Variants in WWOX observed in about 807,000 individuals in gnomAD.
WWOX encodes the protein WW domain-containing oxidoreductase.
A neutral mutation model predicts 46.2 loss-of-function variants in WWOX; 69 were observed. The ratio of observed to expected loss-of-function variants is 1.49; its 90% CI spans 1.23 to 1.82. The LOEUF is 1.82. Ranked by LOEUF, WWOX falls within the 40% of genes most tolerant of loss-of-function variation. The pLI is 0.00. For missense variants in WWOX, 919 were observed against 542.6 expected, an observed-to-expected ratio of 1.69 and a Z score of -6.89; for synonymous variants, 359 against 202.6, an observed-to-expected ratio of 1.77 and a Z score of -6.56.
At chr16:78,717,013 G>T (rs1198553090) in intron 8 of WWOX, among the ~76,000 whole-genome samples, 2 of 152,142 alleles carry the variant, frequency 1.3e-5, no homozygotes, top group Non-Finnish European at 2.9e-5. Context: ...ACCTCCCATG[G>T]TTGTCTGTGA....
intron 1 of WWOX, among the ~76,000 whole-genome samples, chr16:78,102,393 T>C (rs1327906231): frequency 2.0e-5 from 3 of 152,218 alleles, no homozygotes; most frequent in African/African-American, 7.2e-5. Context: ...TTCTGTGCCT[T>C]GCCGAGAAGC....
At chr16:78,144,450 C>CACACATATAT (rs1171090089) in intron 4 of WWOX, among the ~76,000 whole-genome samples, 5 of 24,928 alleles carry the variant, frequency 2.0e-4, no homozygotes, top group Non-Finnish European at 3.1e-4. Context: ...TATATATACA[C>CACACATATAT]ATATATATAT....
chr16:79,133,202 C>A (rs562014480), intron 8 of WWOX, among the ~76,000 whole-genome samples: 1 of 152,176 alleles, frequency 6.6e-6, no homozygotes, highest in Non-Finnish European at 1.5e-5. Flanking sequence ...TGAAGTCATA[C>A]ATTTTATTGA....
intron 8 of WWOX, among the ~76,000 whole-genome samples, chr16:78,823,203 A>G (rs1377979493): frequency 6.6e-6 from 1 of 152,236 alleles, no homozygotes; most frequent in Non-Finnish European, 1.5e-5. Context: ...AAACGGTCAC[A>G]GGGTCAGGCC....
chr16:78,782,734 A>G (rs2050361300), intron 8 of WWOX, among the ~76,000 whole-genome samples: 1 of 150,172 alleles, frequency 6.7e-6, no homozygotes, highest in Non-Finnish European at 1.5e-5. Context: ...GGTATTTCAG[A>G]CAACATTATT....
chr16:78,561,705 T>C (rs1270447457), intron 8 of WWOX, among the ~76,000 whole-genome samples: 2 of 151,962 alleles, frequency 1.3e-5, no homozygotes, highest in East Asian at 1.9e-4. Flanking sequence ...AAAGAAAGGA[T>C]GTTAGGTAGA....
intron 6 of WWOX, 121 bp from the exon 7 acceptor site, chr16:78,424,749 G>C (rs2083035776): frequency 2.7e-6 from 3 of 1,110,304 alleles, no homozygotes; most frequent in East Asian, 4.7e-5. Context: ...ATTCCCGAAG[G>C]AGCATGGATT....
intron 8 of WWOX, among the ~76,000 whole-genome samples, chr16:78,900,729 A>G (rs981406280): frequency 6.6e-6 from 1 of 152,200 alleles, no homozygotes; most frequent in Admixed American, 6.5e-5. Context: ...ATCATAAAAA[A>G]CAATTCTACT....
At chr16:78,486,645 G>T (rs1363450659) in intron 8 of WWOX, among the ~76,000 whole-genome samples, 5 of 151,968 alleles carry the variant, frequency 3.3e-5, no homozygotes, top group African/African-American at 9.7e-5. Context: ...TGTGATCTCC[G>T]CTCACTGCAG....
intron 8 of WWOX, among the ~76,000 whole-genome samples, chr16:78,613,631 T>C (rs1255398076): frequency 6.6e-6 from 1 of 152,088 alleles, no homozygotes; most frequent in East Asian, 1.9e-4. Flanking sequence ...ACCACTACTG[T>C]TGTTGTGTAA....
At chr16:79,178,026 A>C (rs2050835992) in intron 8 of WWOX, among the ~76,000 whole-genome samples, 1 of 152,270 alleles carries the variant, frequency 6.6e-6, no homozygotes, top group African/African-American at 2.4e-5. Context: ...GGAGGGGATA[A>C]AGCAGCTCTC....
intron 8 of WWOX, among the ~76,000 whole-genome samples, chr16:78,782,354 A>G (rs2050350240): frequency 6.6e-6 from 1 of 151,992 alleles, no homozygotes; most frequent in South Asian, 2.1e-4. Context: ...TTCTTTGGCC[A>G]CTGTTTTTGC....
intron 8 of WWOX, among the ~76,000 whole-genome samples, chr16:78,637,477 C>G (rs1285880982): frequency 1.3e-5 from 2 of 151,880 alleles, no homozygotes; most frequent in Non-Finnish European, 2.9e-5. Context: ...CCCCACGTTA[C>G]AGATGAGGCT....
intron 5 of WWOX, among the ~76,000 whole-genome samples, chr16:78,312,858 G>A (rs1407348940): frequency 2.6e-5 from 4 of 152,164 alleles, no homozygotes; most frequent in East Asian, 1.9e-4. Context: ...GTCAGCCTCC[G>A]AGGTGGTAGC....
chr16:78,178,863 C>CAA lies in WWOX; in HGVS notation c.516+14588_516+14589dup, dbSNP rs5818110. Reference sequence around the variant, plus strand: ...TGGGCGACAGAGCGAGATTCCGTCTCAAAAAAAAAAAAAAAGTAATCATTT... The same window carrying CAA: ...TGGGCGACAGAGCGAGATTCCGTCTCAAAAAAAAAAAAAAAAAGTAATCATTT... On this transcript the variant is annotated intron_variant, in intron 5 of 8. Transcript: ENST00000566780. Among the ~76,000 whole-genome samples, 624 of 138,794 alleles carry CAA rather than the reference C, an allele frequency of 4.5e-3. 5 individuals carry two copies. Among genetic ancestry groups the CAA allele is most frequent in the African/African-American group, 0.014 (532 of 38,094 alleles). 91.1% of individuals were successfully genotyped at this position (138,794 alleles called of 152,430 possible).
intron 8 of WWOX, among the ~76,000 whole-genome samples, chr16:79,191,852 T>C (rs1020883456): frequency 6.6e-6 from 1 of 152,144 alleles, no homozygotes; most frequent in Admixed American, 6.5e-5. Context: ...CATTCTTCAA[T>C]GGAGAATTAC....
At chr16:78,765,294 A>G (rs375558487) in intron 8 of WWOX, among the ~76,000 whole-genome samples, 37 of 152,364 alleles carry the variant, frequency 2.4e-4, no homozygotes, top group African/African-American at 8.7e-4. Context: ...GCTTAGGGAC[A>G]GTGATGAGAC....
At chr16:78,785,301 C>A (rs1291620325) in intron 8 of WWOX, among the ~76,000 whole-genome samples, 1 of 152,180 alleles carries the variant, frequency 6.6e-6, no homozygotes, top group Non-Finnish European at 1.5e-5. Flanking sequence ...ATTCTCACTT[C>A]CCAGCAGCAG....
At chr16:79,010,905 G>C (rs2047291066) in intron 8 of WWOX, among the ~76,000 whole-genome samples, 1 of 152,070 alleles carries the variant, frequency 6.6e-6, no homozygotes, top group Non-Finnish European at 1.5e-5. Flanking sequence ...ACGGGGTCAT[G>C]TTGTGTGGGA....
Sources: allele counts gnomAD v4.1 joint callset (sites outside exome capture counted in the v4.1 genomes callset), GRCh38; gene constraint gnomAD v4.1.1; transcripts MANE v1.5; gene names NCBI Gene and HGNC (gene_info 2026-07-23, HGNC 2026-07-21).